DPPA3: variants seen among roughly 807,000 people sequenced by gnomAD.
DPPA3 encodes the protein developmental pluripotency associated 3, also known as developmental pluripotency-associated protein 3.
DPPA3 carries 9 observed loss-of-function variants against 15.6 expected under a neutral mutation model. The observed-to-expected ratio is 0.58, with a 90% CI of 0.35 to 1.01. DPPA3 has a LOEUF of 1.01. Among genes scored for constraint, DPPA3 ranks in the 50% least tolerant of loss-of-function variants. The probability of loss-of-function intolerance (pLI) is 0.02; values close to 1 mark genes in which losing one functional copy is unlikely to be tolerated. For synonymous variants in DPPA3, 61 were observed against 70.9 expected (o/e 0.86, Z 0.70); for missense variants, 148 against 194.6 (o/e 0.76, Z 1.42).
At chr12:7,716,539 C>T (rs991340659) in intron 3 of DPPA3, among the ~76,000 whole-genome samples, 23 of 152,274 alleles carry the variant, frequency 1.5e-4, no homozygotes, top group African/African-American at 4.3e-4. Context: ...TGAACTTACC[C>T]TGACAGGATT....
In DPPA3 at chr12:7,715,247, T is replaced by C; in HGVS notation, c.147T>C (p.Ser49=). 6 of 1,613,842 alleles carry C rather than the reference T, an allele frequency of 3.7e-6. No homozygotes were observed. Among genetic ancestry groups the C allele is most frequent in the Non-Finnish European group, 5.1e-6 (6 of 1,179,818 alleles). Residue 49 remains serine (S), a synonymous_variant, in exon 2 of 4, where the codon AGT becomes AGC. Coordinates refer to ENST00000345088, the MANE Select transcript of DPPA3 (RefSeq NM_199286.4). ...KNLSNLTINA[S]SESVSPLSEA... is the part of the protein sequence containing the mutation. ...TTAGTAACTTGACTATCAACGCTAGTAGCGAATCTGTTTCCCCTCTATCGG... is the reference window on the plus strand; with the variant it reads ...TTAGTAACTTGACTATCAACGCTAGCAGCGAATCTGTTTCCCCTCTATCGG...
At chr12:7,712,765 A>C (rs1396688807) in intron 1 of DPPA3, among the ~76,000 whole-genome samples, 1 of 142,200 alleles carries the variant, frequency 7.0e-6, no homozygotes. Flanking sequence ...TTTTATTTTT[A>C]TTTTTGACAG....
intron 1 of DPPA3, 146 bp from the exon 2 acceptor site, chr12:7,715,037 C>T (rs1357519054): frequency 4.8e-6 from 6 of 1,250,986 alleles, no homozygotes; most frequent in Non-Finnish European, 6.7e-6. Context: ...TGAGAAAAGA[C>T]TAGAGGTTGT....
In DPPA3 at chr12:7,713,004, C is replaced by T. The variant is rs755806675; in HGVS notation, c.82+1352C>T. On this transcript the variant is annotated intron_variant, in intron 1 of 3. Coordinates refer to ENST00000345088, the MANE Select transcript of DPPA3 (RefSeq NM_199286.4). ...TGTAAATTAGTAGCAGGACCTCCAC[C>T]GGAGGGCGGCTTATCTAGAAACTGC... is the stretch of plus-strand genomic sequence containing the variant. Among the ~76,000 whole-genome samples, 18 of 152,366 alleles carry T rather than the reference C, an allele frequency of 1.2e-4. No homozygotes were observed. The South Asian group carries it at 3.1e-3, about 26-fold the overall frequency.
In DPPA3 at chr12:7,717,143, T is replaced by A. The variant is rs889450230; in HGVS notation, c.*66T>A. On this transcript the variant is annotated 3_prime_UTR_variant, in exon 4 of 4. Coordinates refer to ENST00000345088, the MANE Select transcript of DPPA3 (RefSeq NM_199286.4). ...ATAGCAGGTTGAGAAAGCTACTCTA[T>A]GCTAGTATAGACTATACACCAATAA... 140 of 944,026 alleles carry A rather than the reference T, an allele frequency of 1.5e-4. No individual in the cohort carries two copies. Among genetic ancestry groups the A allele is most frequent in the Non-Finnish European group, 1.9e-4 (112 of 586,746 alleles). The allele number at this position is 944,026 out of a possible 1,614,324, so 58.5% of individuals were successfully genotyped here. A position where few individuals can be genotyped will look rare whatever the true frequency, so the allele number is the denominator to read the frequency against.
Position 7,716,955 on chromosome 12 carries a change from AT to A in DPPA3, c.370-4del, listed in dbSNP as rs199605731. The A allele has an allele frequency of 1.6e-5, 26 of 1,595,140 alleles. No individual in the cohort carries two copies. The highest frequency in any genetic ancestry group is 1.6e-4 in the East Asian group (7 of 44,736). On this transcript the variant is annotated splice_polypyrimidine_tract_variant and intron_variant, in intron 3 of 3. Transcript: ENST00000345088. ...AATATTCCAATTAATCCATTTCATC[AT>A]TTTTTTTCAGAAGGAATCAAGACCA...
intron 2 of DPPA3, 54 bp downstream of exon 2, chr12:7,715,481 AAATTAAGACCT>A (rs1181339523): frequency 6.2e-7 from 1 of 1,612,004 alleles, no homozygotes; most frequent in African/African-American, 1.3e-5. Flanking sequence ...TGACACTCAT[AAATTAAGACCT>A]AATTAAGACT....
rs369510829 is a variant in DPPA3, at chr12:7,711,544, G to A, written c.-27G>A. The A allele has an allele frequency of 6.3e-7, 1 of 1,599,622 alleles. No homozygotes were observed. The highest frequency in any genetic ancestry group is 1.8e-5 in the Admixed American group (1 of 57,118). On this transcript the variant is annotated 5_prime_UTR_variant, in exon 1 of 4. Coordinates refer to ENST00000345088, the MANE Select transcript of DPPA3 (RefSeq NM_199286.4). ...TCTGCTACGTTTCAAAGATCCTGGA[G>A]AAGCCTAGTGTTGTGTCAAGACGCC...
chr12:7,715,602 C>G (rs1042782913), intron 2 of DPPA3, among the ~76,000 whole-genome samples, 175 bp downstream of exon 2: 1 of 151,870 alleles, frequency 6.6e-6, no homozygotes, highest in Non-Finnish European at 1.5e-5. Flanking sequence ...TCGAAACCAG[C>G]CTGGCCAACA....
intron 3 of DPPA3, 60 bp from the exon 4 acceptor site, chr12:7,716,907 C>A: frequency 7.1e-7 from 1 of 1,409,948 alleles, no homozygotes; most frequent in African/African-American, 1.4e-5. Context: ...TAGTTGAGGG[C>A]TTATTACATT....
chr12:7,715,491 C>T, intron 2 of DPPA3, 64 bp downstream of exon 2: 1 of 1,609,492 alleles, frequency 6.2e-7, no homozygotes, highest in Non-Finnish European at 8.5e-7. Flanking sequence ...AAATTAAGAC[C>T]TAATTAAGAC....
chr12:7,714,480 A>ATG (rs1427391901), intron 1 of DPPA3, among the ~76,000 whole-genome samples: 1 of 151,850 alleles, frequency 6.6e-6, no homozygotes, highest in Non-Finnish European at 1.5e-5. Context: ...CTGTGTTATC[A>ATG]TGTGCCCCTG....
intron 2 of DPPA3, 74 bp downstream of exon 2, chr12:7,715,501 C>T (rs1592081815): frequency 6.2e-7 from 1 of 1,604,558 alleles, no homozygotes; most frequent in African/African-American, 1.3e-5. Context: ...CTAATTAAGA[C>T]TCCCTAGCTC....
At chr12:7,712,554 TCTC>T (rs1463154130) in intron 1 of DPPA3, among the ~76,000 whole-genome samples, 1 of 151,850 alleles carries the variant, frequency 6.6e-6, no homozygotes, top group Non-Finnish European at 1.5e-5. Flanking sequence ...TTCAAGCAAT[TCTC>T]CTGTCTCAGC....
In DPPA3 at chr12:7,716,223, A is replaced by G. The variant is rs767040190; in HGVS notation, c.353A>G (p.Glu118Gly). 4.4e-6 allele frequency: 7 copies of G among 1,601,584 alleles called. No homozygotes were observed. The East Asian group carries it at 8.9e-5, about 20-fold the overall frequency. The change falls in exon 3 of 4, where the codon GAG (glutamate) becomes GGG (glycine). Residue 118 changes from glutamate (E) to glycine (G), a missense_variant. Glu to Gly is a moderately conservative substitution (Grantham distance 98). Transcript: ENST00000345088. ...CATGAAAGAAGACCAACAAACAAGG[A>G]GCCTAAGGGAGTTAAGGTAAGTATA... The part of the protein sequence containing the change: ...RTHERRPTNK[E>G]PKGVKKESRP...
intron 1 of DPPA3, among the ~76,000 whole-genome samples, chr12:7,714,486 C>T (rs761107077): frequency 6.6e-6 from 1 of 151,994 alleles, no homozygotes; most frequent in South Asian, 2.1e-4. Flanking sequence ...TATCATGTGC[C>T]CCTGTACAAG....
chr12:7,714,772 G>T (rs1055999948), intron 1 of DPPA3, among the ~76,000 whole-genome samples: 2 of 151,868 alleles, frequency 1.3e-5, no homozygotes, highest in African/African-American at 4.8e-5. Flanking sequence ...GAGTGCAGTG[G>T]CGCGATCTCG....
chr12:7,714,287 A>T (rs1864375038), intron 1 of DPPA3, among the ~76,000 whole-genome samples: 1 of 152,048 alleles, frequency 6.6e-6, no homozygotes, highest in Non-Finnish European at 1.5e-5. Context: ...CCTCGGTTAT[A>T]CTCTGGGAAT....
chr12:7,716,880 CA>C, intron 3 of DPPA3, 86 bp from the exon 4 acceptor site: 1 of 1,272,222 alleles, frequency 7.9e-7, no homozygotes, highest in Non-Finnish European at 1.1e-6. Context: ...CAACACTTAC[CA>C]AAATAAACAA....
Sources: gnomAD v4.1 joint callset for allele counts (sites outside exome capture counted in the v4.1 genomes callset) on GRCh38, gnomAD v4.1.1 for gene constraint, MANE v1.5 for transcripts, NCBI Gene and HGNC (gene_info 2026-07-23, HGNC 2026-07-21) for gene names.